ASPH: variants seen among roughly 807,000 people sequenced by gnomAD.
ASPH encodes aspartate beta-hydroxylase, also known as aspartyl/asparaginyl beta-hydroxylase.
ASPH carries 100 observed loss-of-function variants against 118.4 expected under a neutral mutation model. The observed-to-expected ratio is 0.84, with a 90% confidence interval of 0.72 to 1.00. ASPH has a LOEUF of 1.00. Among genes scored for constraint, ASPH ranks in the 50% least tolerant of loss-of-function variants. ASPH has a pLI of 0.00. For missense variants in ASPH, 920 were observed against 919.5 expected (o/e 1.00, Z -0.01); for synonymous variants, 315 against 325.6 (o/e 0.97, Z 0.35).
At chr8:61,606,585 C>T (rs901121656) in intron 14 of ASPH, 2 of 152,088 alleles carry the variant, frequency 1.3e-5, no homozygotes. Flanking sequence ...TACATATAAT[C>T]ATAGATGTAG....
intron 15 of ASPH, among the ~76,000 whole-genome samples, chr8:61,581,254 C>G (rs1388516953): frequency 6.6e-6 from 1 of 152,234 alleles, no homozygotes; most frequent in Non-Finnish European, 1.5e-5. Flanking sequence ...TTTCCCTTCC[C>G]TAAGTTTTTG....
chr8:61,586,964 G>A (rs1306030381), intron 14 of ASPH, among the ~76,000 whole-genome samples: 1 of 152,164 alleles, frequency 6.6e-6, no homozygotes, highest in Non-Finnish European at 1.5e-5. Flanking sequence ...GAAGAACTAA[G>A]GCTGTTCCAT....
Position 61,548,085 on chromosome 8 carries a change from T to C in ASPH, c.1750A>G (p.Thr584Ala). 1 of 1,613,814 alleles carries C rather than the reference T, an allele frequency of 6.2e-7. No homozygotes were observed. The highest frequency in any genetic ancestry group is 8.5e-7 in the Non-Finnish European group (1 of 1,179,778). ...PWWTPKETGY[T>A]ELVKSLERNW... ...GTTATACTTACCTTTACTAACTCTG[T>C]GTAGCCCGTTTCTTTTGGGGTCCAC... The change falls in exon 21 of 25, where the codon ACA becomes GCA. Residue 584 changes from threonine to alanine, a missense_variant. Thr to Ala is a moderately conservative substitution (Grantham distance 58). Coordinates refer to ENST00000379454, the MANE Select transcript of ASPH (RefSeq NM_004318.4).
intron 24 of ASPH, among the ~76,000 whole-genome samples, chr8:61,509,487 A>C (rs1807975371): frequency 6.6e-6 from 1 of 152,070 alleles, no homozygotes; most frequent in South Asian, 2.1e-4. Flanking sequence ...ACCAGAGGTC[A>C]CTCTCATGGT....
intron 11 of ASPH, 141 bp downstream of exon 11, chr8:61,638,181 T>G (rs1858733467): frequency 1.1e-5 from 13 of 1,218,354 alleles, no homozygotes; most frequent in Non-Finnish European, 1.5e-5. Flanking sequence ...AACTTTAATT[T>G]TGATACTCAA....
intron 2 of ASPH, 76 bp from the exon 3 acceptor site, chr8:61,681,112 G>A: frequency 1.7e-6 from 2 of 1,150,806 alleles, no homozygotes; most frequent in Middle Eastern, 2.2e-4. Context: ...ACTTAGTGAA[G>A]TCATGCAACT....
chr8:61,616,917 AC>A (rs1263021680), intron 14 of ASPH, among the ~76,000 whole-genome samples: 3 of 152,188 alleles, frequency 2.0e-5, no homozygotes, highest in Non-Finnish European at 4.4e-5. Context: ...ACCTGCAACC[AC>A]TTGTCTAGAA....
In ASPH at chr8:61,517,451, CAAAGGA is replaced by C. The variant is rs966433012; in HGVS notation, c.2126+71_2126+76del. 13 of 1,544,996 alleles carry C rather than the reference CAAAGGA, an allele frequency of 8.4e-6. No individual in the cohort carries two copies. In the Admixed American group the frequency reaches 9.2e-5, roughly 11 times the overall value. The stretch of plus-strand genomic sequence containing the variant: ...CAGCTACAAAAGAAGATAAGTAATC[CAAAGGA>C]ACACAACTGTGTTGTAACAAACTCT... On this transcript the variant is annotated intron_variant, in intron 24 of 24. Transcript: ENST00000379454.
Position 61,627,789 on chromosome 8 carries a change from G to A in ASPH, c.934+5894C>T, listed in dbSNP as rs1324578137. 3.9e-5 allele frequency among the ~76,000 whole-genome samples: 6 copies of A among 152,254 alleles called. No individual in the cohort carries two copies. In the East Asian group the frequency reaches 9.6e-4, roughly 24 times the overall value. ...ATGTCTGAAGACCCCATTCAGAAGT[G>A]GTTATGGTGCAAATCCCACATCTCC... On this transcript the variant is annotated intron_variant, in intron 13 of 24. Transcript: ENST00000379454.
At chr8:61,593,264 G>A (rs1421650602) in intron 14 of ASPH, among the ~76,000 whole-genome samples, 1 of 152,106 alleles carries the variant, frequency 6.6e-6, no homozygotes, top group African/African-American at 2.4e-5. Context: ...TCCAAAAATA[G>A]CCCCTTCTGA....
intron 3 of ASPH, chr8:61,658,116 T>C (rs1482767272): frequency 6.6e-6 from 1 of 152,194 alleles, no homozygotes; most frequent in African/African-American, 2.4e-5. Context: ...CAGAAAGGCA[T>C]GCATACTAGG....
chr8:61,581,570 A>G (rs1837550206), intron 15 of ASPH, among the ~76,000 whole-genome samples: 1 of 152,230 alleles, frequency 6.6e-6, no homozygotes, highest in Non-Finnish European at 1.5e-5. Flanking sequence ...GAAGATCTAC[A>G]GCCAAATGTT....
At chr8:61,606,995 C>T (rs1443915776) in intron 14 of ASPH, 15 of 346,032 alleles carry the variant, frequency 4.3e-5, no homozygotes, top group Non-Finnish European at 1.6e-5. Context: ...CAAATGTCAT[C>T]GCTCCATGAA....
Position 61,503,297 on chromosome 8 carries a change from A to G in ASPH, c.*62T>C. 6.5e-7 allele frequency: 1 copy of G among 1,539,852 alleles called. No individual in the cohort carries two copies. The highest frequency in any genetic ancestry group is 8.8e-7 in the Non-Finnish European group (1 of 1,137,852). Reference sequence around the variant, plus strand: ...TGTTCGAAATTCTATCCTCACACCCAAGGAGATGGAACCAGAAAGGCAGCC... The same window carrying G: ...TGTTCGAAATTCTATCCTCACACCCGAGGAGATGGAACCAGAAAGGCAGCC... On this transcript the variant is annotated 3_prime_UTR_variant, in exon 25 of 25. Transcript: ENST00000379454.
chr8:61,586,099 C>A (rs1364179112), intron 14 of ASPH, among the ~76,000 whole-genome samples: 1 of 152,150 alleles, frequency 6.6e-6, no homozygotes, highest in Non-Finnish European at 1.5e-5. Context: ...CTCCTCCTTC[C>A]TAGATGATCC....
At chr8:61,570,618 C>T (rs1833202655) in intron 16 of ASPH, among the ~76,000 whole-genome samples, 1 of 152,186 alleles carries the variant, frequency 6.6e-6, no homozygotes, top group African/African-American at 2.4e-5. Context: ...AATATCACTA[C>T]TAAAATGGCA....
At chr8:61,622,654 C>G (rs1474618909) in intron 13 of ASPH, among the ~76,000 whole-genome samples, 1 of 152,160 alleles carries the variant, frequency 6.6e-6, no homozygotes, top group Non-Finnish European at 1.5e-5. Context: ...GTTGCCTAAC[C>G]ATCTTCCTGC....
intron 1 of ASPH, among the ~76,000 whole-genome samples, chr8:61,712,848 T>A (rs939190074): frequency 6.6e-6 from 1 of 152,230 alleles, no homozygotes; most frequent in Non-Finnish European, 1.5e-5. Context: ...AACGAAGACA[T>A]GCTTCTCTGG....
intron 14 of ASPH, among the ~76,000 whole-genome samples, chr8:61,595,883 G>A (rs1842376044): frequency 6.6e-6 from 1 of 152,110 alleles, no homozygotes; most frequent in Non-Finnish European, 1.5e-5. Flanking sequence ...CCTGGGAATC[G>A]GCCCACTCAG....
Sources: gnomAD v4.1 joint callset for allele counts (sites outside exome capture counted in the v4.1 genomes callset) on GRCh38, gnomAD v4.1.1 for gene constraint, MANE v1.5 for transcripts, NCBI Gene and HGNC (gene_info 2026-07-23, HGNC 2026-07-21) for gene names.